The following MYO9B variants were observed in gnomAD, a reference collection of about 807,000 sequenced individuals.
MYO9B encodes myosin IXB, also known as unconventional myosin-IXb.
MYO9B carries 71 observed loss-of-function variants against 229.5 expected under a neutral mutation model. The observed-to-expected ratio is 0.31, with a 90% confidence interval of 0.26 to 0.38. The LOEUF is 0.38. Ranked by LOEUF, MYO9B falls within the 10% of genes least tolerant of loss-of-function variation. The pLI is 1.00. For missense variants in MYO9B, 2,255 were observed against 2,920.5 expected (o/e 0.77, Z 5.25); for synonymous variants, 1,185 against 1,235.8 (o/e 0.96, Z 0.86).
rs770525821 is a variant in MYO9B at position 17,201,974 on chromosome 19, G to A, written c.4612G>A (p.Glu1538Lys). 53 of 1,612,422 alleles carry A rather than the reference G, an allele frequency of 3.3e-5. No homozygotes were observed. The highest frequency in any genetic ancestry group is 1.6e-4 in the Middle Eastern group (1 of 6,082). The change falls in exon 27 of 40, where the codon GAA (glutamate) becomes AAA (lysine). Residue 1538 changes from glutamate (E) to lysine (K), a missense_variant. Coordinates refer to ENST00000682292, the MANE Select transcript of MYO9B (RefSeq NM_004145.4). Reference sequence around the variant, plus strand: ...GACGCCCATTGAGAGCTTGTTTATCGAAGCCACCGAGAAGTTCAGGAGCAA... The same window carrying A: ...GACGCCCATTGAGAGCTTGTTTATCAAAGCCACCGAGAAGTTCAGGAGCAA... ...QKTPIESLFIEATEKFRSNIK... is the reference protein window; with the variant it reads ...QKTPIESLFIKATEKFRSNIK...
chr19:17,134,494 C>T (rs1034276351), intron 2 of MYO9B, among the ~76,000 whole-genome samples: 2 of 139,826 alleles, frequency 1.4e-5, no homozygotes, highest in African/African-American at 5.4e-5. Flanking sequence ...CGGTTTCAAG[C>T]GATTTTCGTG....
chr19:17,203,369 CT>C lies in MYO9B; in HGVS notation c.4990+114del, dbSNP rs774812182. 6.6e-6 allele frequency: 5 copies of C among 754,890 alleles called. No individual in the cohort carries two copies. The East Asian group carries it at 1.1e-4, about 17-fold the overall frequency. The allele number at this position is 754,890 out of a possible 1,614,324, so 46.8% of individuals were successfully genotyped here. A position where few individuals can be genotyped will look rare whatever the true frequency, so the allele number is the denominator to read the frequency against. On this transcript the variant is annotated intron_variant, in intron 30 of 39. Transcript: ENST00000682292. ...GTGGCTCACACCTGTAATCCCAGCA[CT>C]TTGGGAGGCCGAGGCAGGTGGATAA...
At chr19:17,168,120 G>A (rs2072680740) in intron 11 of MYO9B, 56 bp downstream of exon 11, 3 of 1,596,342 alleles carry the variant, frequency 1.9e-6, no homozygotes, top group Non-Finnish European at 2.6e-6. Flanking sequence ...ACTGGGTCAG[G>A]TTCTGCAGCC....
At chr19:17,171,083 A>G (rs560973898) in intron 11 of MYO9B, among the ~76,000 whole-genome samples, 1 of 152,252 alleles carries the variant, frequency 6.6e-6, no homozygotes, top group Admixed American at 6.5e-5. Flanking sequence ...GGGGACACTC[A>G]AGGCAGATGC....
intron 2 of MYO9B, among the ~76,000 whole-genome samples, chr19:17,104,342 C>G (rs773362645): frequency 3.3e-4 from 50 of 152,270 alleles, no homozygotes; most frequent in South Asian, 1.0e-3. Context: ...GCCTCATGCC[C>G]TCTGCCCACT....
At chr19:17,201,578 G>C (rs2073106509) in intron 26 of MYO9B, among the ~76,000 whole-genome samples, 1 of 152,200 alleles carries the variant, frequency 6.6e-6, no homozygotes, top group Non-Finnish European at 1.5e-5. Flanking sequence ...CATCTAGGGG[G>C]GATTCTGTCC....
chr19:17,209,548 G>A, intron 35 of MYO9B, 38 bp from the exon 36 acceptor site: 1 of 1,557,744 alleles, frequency 6.4e-7, no homozygotes, highest in East Asian at 2.4e-5. Context: ...CCCCGGGGCG[G>A]TAACTGAGTC....
chr19:17,123,543 C>T (rs540125967), intron 2 of MYO9B, among the ~76,000 whole-genome samples: 6 of 151,914 alleles, frequency 3.9e-5, no homozygotes, highest in African/African-American at 1.4e-4. Context: ...CTGGTTCAGG[C>T]GATTCTCCTG....
intron 11 of MYO9B, among the ~76,000 whole-genome samples, chr19:17,170,447 C>A (rs11671774): frequency 6.6e-6 from 1 of 151,650 alleles, no homozygotes; most frequent in African/African-American, 2.4e-5. Context: ...TGCCTCAAAC[C>A]TAGTCCCTGT....
chr19:17,085,770 C>G (rs569190212), intron 1 of MYO9B, among the ~76,000 whole-genome samples: 2 of 151,848 alleles, frequency 1.3e-5, no homozygotes, highest in African/African-American at 4.8e-5. Flanking sequence ...AGTTCGAGAC[C>G]GGCCTGGGCA....
rs34012365 is a variant in MYO9B at position 17,104,055 on chromosome 19, C to CAA, written c.840+1513_840+1514dup. 1.3e-3 allele frequency among the ~76,000 whole-genome samples: 170 copies of CAA among 135,956 alleles called. 1 individual carries two copies. The highest frequency in any genetic ancestry group is 3.9e-3 in the Middle Eastern group (1 of 258). 89.2% of individuals were successfully genotyped at this position (135,956 alleles called of 152,430 possible). ...TGGGTGACAGAGCGAAACTCCATCT[C>CAA]AAAAAAAAAAAAAAAATAGTCACAG... is the stretch of plus-strand genomic sequence containing the variant. On this transcript the variant is annotated intron_variant, in intron 2 of 39. Transcript: ENST00000682292.
chr19:17,165,119 G>T (rs546314355), intron 10 of MYO9B, among the ~76,000 whole-genome samples: 1 of 152,034 alleles, frequency 6.6e-6, no homozygotes, highest in African/African-American at 2.4e-5. Context: ...ATCCTCCCAC[G>T]TTGGCCTCTC....
intron 2 of MYO9B, among the ~76,000 whole-genome samples, chr19:17,141,690 G>A (rs1045120601): frequency 2.6e-5 from 4 of 152,172 alleles, no homozygotes; most frequent in Non-Finnish European, 5.9e-5. Context: ...TAACCACTCT[G>A]GAGCAGTAAG....
intron 2 of MYO9B, among the ~76,000 whole-genome samples, chr19:17,139,052 C>T (rs1437231478): frequency 6.6e-6 from 1 of 152,158 alleles, no homozygotes; most frequent in Non-Finnish European, 1.5e-5. Context: ...TGGCTCGCGC[C>T]TGTAGTCCCA....
chr19:17,119,142 C>T (rs1331500338), intron 2 of MYO9B, among the ~76,000 whole-genome samples: 2 of 152,234 alleles, frequency 1.3e-5, no homozygotes. Context: ...TCTGTTCTGC[C>T]TCCTGATCTC....
At chr19:17,122,663 C>T (rs2057976460) in intron 2 of MYO9B, among the ~76,000 whole-genome samples, 1 of 152,212 alleles carries the variant, frequency 6.6e-6, no homozygotes, top group South Asian at 2.1e-4. Context: ...ACGGGACGAT[C>T]ACTTGAGCCC....
In MYO9B at chr19:17,195,549, TC is replaced by T. The variant is rs572934574; in HGVS notation, c.4046+78del. The T allele has an allele frequency of 5.9e-4, 882 of 1,502,178 alleles. 13 individuals carry two copies. In the Admixed American group the frequency reaches 0.016, roughly 28 times the overall value. 93.1% of individuals were successfully genotyped at this position (1,502,178 alleles called of 1,614,324 possible). On this transcript the variant is annotated intron_variant, in intron 22 of 39. Coordinates refer to ENST00000682292, the MANE Select transcript of MYO9B (RefSeq NM_004145.4). The surrounding 1 kb of genome is among the most constrained non-coding windows in gnomAD (Gnocchi z 4.5). ...GCAAGGCCAGGGGCAGTGCCACACA[TC>T]CTGGAAACACATGTGTAATCATGCC...
rs773004794 is a variant in MYO9B at position 17,102,156 on chromosome 19, G to T, written c.439G>T (p.Asp147Tyr). ...TGGCCTCCTGCCACGGCAGCAGGCG[G>T]ACTTTGATGACCTGTGTAACCTCCC... The part of the protein sequence containing the change: ...ERGLLPRQQA[D>Y]FDDLCNLPEL... Residue 147 changes from aspartate (D) to tyrosine (Y), a missense_variant, in exon 2 of 40, where the codon GAC becomes TAC. This residue lies in a region of MYO9B where 386 missense variants were observed against 515.2 expected (regional missense o/e 0.75). Transcript: ENST00000682292. 6.2e-7 allele frequency: 1 copy of T among 1,613,772 alleles called. No individual in the cohort carries two copies. The highest frequency in any genetic ancestry group is 8.5e-7 in the Non-Finnish European group (1 of 1,179,884).
At chr19:17,095,528 A>C (rs1170493122) in intron 1 of MYO9B, 1 of 152,196 alleles carries the variant, frequency 6.6e-6, no homozygotes. Flanking sequence ...AGCACGGAGC[A>C]GTGGTTCCTT....
Sources: allele counts gnomAD v4.1 joint callset (sites outside exome capture counted in the v4.1 genomes callset), GRCh38; gene constraint gnomAD v4.1.1; regional missense constraint gnomAD v4.1.1; non-coding constraint Gnocchi (gnomAD v3.1); transcripts MANE v1.5; gene names NCBI Gene and HGNC (gene_info 2026-07-23, HGNC 2026-07-21).